The following TRPC6 variants were observed in gnomAD, a reference collection of about 807,000 sequenced individuals.
The protein encoded by TRPC6 is short transient receptor potential channel 6.
Under a neutral mutation model 90.7 loss-of-function variants are expected in TRPC6, and 55 were observed. The ratio of observed to expected loss-of-function variants is 0.61; its 90% CI spans 0.49 to 0.76. TRPC6 has a LOEUF of 0.76. TRPC6 is among the 30% of genes least tolerant of loss of function. The probability of loss-of-function intolerance (pLI) is 0.00; values close to 1 mark genes in which losing one functional copy is unlikely to be tolerated. For missense variants in TRPC6, 989 were observed against 1,122.7 expected, an observed-to-expected ratio of 0.88 and a Z score of 1.70; for synonymous variants, 393 against 393.0, an observed-to-expected ratio of 1.00 and a Z score of 0.00.
Position 101,469,294 on chromosome 11 carries a change from T to A in TRPC6, c.2484+133A>T, listed in dbSNP as rs180705496. 2.5e-4 allele frequency: 163 copies of A among 643,020 alleles called. No individual in the cohort carries two copies. The African/African-American group carries it at 2.8e-3, about 11-fold the overall frequency. The allele number at this position is 643,020 out of a possible 1,614,324, so 39.8% of individuals were successfully genotyped here. A position where few individuals can be genotyped will look rare whatever the true frequency, so the allele number is the denominator to read the frequency against. ...CCTCTCAATAACAGAATTGTTGAGA[T>A]TTGTTAAAATAGTTGAATTATTTAA... On this transcript the variant is annotated intron_variant, in intron 10 of 12. Transcript: ENST00000344327.
intron 1 of TRPC6, among the ~76,000 whole-genome samples, chr11:101,571,685 G>C (rs1366006230): frequency 6.6e-6 from 1 of 152,092 alleles, no homozygotes; most frequent in Non-Finnish European, 1.5e-5. Context: ...CAGACCAACA[G>C]AACAGAACAG....
intron 1 of TRPC6, among the ~76,000 whole-genome samples, chr11:101,557,960 C>T (rs945866662): frequency 2.0e-5 from 3 of 151,956 alleles, no homozygotes; most frequent in Non-Finnish European, 4.4e-5. Flanking sequence ...CTACAGATTA[C>T]GTGATCTACA....
chr11:101,583,078 G>C lies in TRPC6; in HGVS notation c.170+256C>G, dbSNP rs145552655. On this transcript the variant is annotated intron_variant, in intron 1 of 12. Transcript: ENST00000344327. ...ACCTGCAATGGTGGTGTTACTATGC[G>C]GTCTCACTCTCGTGGGCAAACATAT... 6 of 721,158 alleles carry C rather than the reference G, an allele frequency of 8.3e-6. No individual in the cohort carries two copies. The South Asian group carries it at 3.1e-4, about 38-fold the overall frequency. The allele number at this position is 721,158 out of a possible 1,614,324, so 44.7% of individuals were successfully genotyped here. A position where few individuals can be genotyped will look rare whatever the true frequency, so the allele number is the denominator to read the frequency against.
chr11:101,467,665 G>T (rs1177328242), intron 10 of TRPC6, among the ~76,000 whole-genome samples: 2 of 152,184 alleles, frequency 1.3e-5, no homozygotes, highest in African/African-American at 4.8e-5. Flanking sequence ...AACATGGGTG[G>T]TAGGCTTCTT....
chr11:101,501,080 AATACATACATAC>A lies in TRPC6; in HGVS notation c.945+2932_945+2943del, dbSNP rs60962933. Among the ~76,000 whole-genome samples, 496 of 146,030 alleles carry A rather than the reference AATACATACATAC, an allele frequency of 3.4e-3. 2 individuals carry two copies. The highest frequency in any genetic ancestry group is 7.7e-3 in the African/African-American group (303 of 39,402). ...CATCTTTCAGATGGAAAGGGAGCAA[AATACATACATAC>A]ATACATACATACATACATACATACA... On this transcript the variant is annotated intron_variant, in intron 2 of 12. Transcript: ENST00000344327.
intron 6 of TRPC6, among the ~76,000 whole-genome samples, chr11:101,475,084 A>G (rs142767524): frequency 2.0e-3 from 303 of 152,266 alleles, no homozygotes; most frequent in African/African-American, 7.1e-3. Context: ...TGAATCCATT[A>G]GCTAATAGAA....
At chr11:101,571,459 G>T (rs1861962536) in intron 1 of TRPC6, among the ~76,000 whole-genome samples, 1 of 152,138 alleles carries the variant, frequency 6.6e-6, no homozygotes. Context: ...GTAATTCATA[G>T]ATTCAATGCT....
At chr11:101,488,625 T>C (rs1375150390) in intron 4 of TRPC6, among the ~76,000 whole-genome samples, 1 of 152,190 alleles carries the variant, frequency 6.6e-6, no homozygotes, top group Non-Finnish European at 1.5e-5. Flanking sequence ...TAGATGTACA[T>C]AGAGAAAAGA....
intron 1 of TRPC6, among the ~76,000 whole-genome samples, chr11:101,553,928 C>T (rs1861505223): frequency 6.6e-6 from 1 of 152,006 alleles, no homozygotes; most frequent in South Asian, 2.1e-4. Context: ...ATACTAGATG[C>T]CGTTGTAAGT....
chr11:101,462,919 C>T (rs893488965), intron 10 of TRPC6, among the ~76,000 whole-genome samples: 3 of 152,088 alleles, frequency 2.0e-5, no homozygotes, highest in Non-Finnish European at 2.9e-5. Context: ...AGTTTTTGCC[C>T]ATTCAGTATG....
intron 6 of TRPC6, among the ~76,000 whole-genome samples, chr11:101,474,622 T>TA (rs1368775346): frequency 9.2e-5 from 14 of 152,124 alleles, no homozygotes; most frequent in Non-Finnish European, 1.5e-4. Context: ...AAGTGCATTT[T>TA]AAAAAATCTT....
Position 101,470,217 on chromosome 11 carries a change from T to A in TRPC6, c.2410-716A>T, listed in dbSNP as rs544528880. Among the ~76,000 whole-genome samples, 3 of 152,328 alleles carry A rather than the reference T, an allele frequency of 2.0e-5. No individual in the cohort carries two copies. In the South Asian group the frequency reaches 6.2e-4, roughly 32 times the overall value. ...CAGCCCATTCTTCTGTTGGGCAGAT[T>A]TTCTTATTAAAAGTTTGCTCTTATA... On this transcript the variant is annotated intron_variant, in intron 9 of 12. Transcript: ENST00000344327.
intron 1 of TRPC6, among the ~76,000 whole-genome samples, chr11:101,580,074 T>C (rs769721199): frequency 3.3e-5 from 5 of 152,174 alleles, no homozygotes; most frequent in Non-Finnish European, 7.3e-5. Flanking sequence ...CATAAATTTT[T>C]CAGATTGTCT....
At position 101,574,179 on chromosome 11, in the gene TRPC6, T is replaced by A. The variant is rs564197947; in HGVS notation, c.170+9155A>T. Reference sequence around the variant, plus strand: ...AATGTCCTTTTGGCACAGAGCACAATCCTGTGGAAAAATATGGGCACTGAA... The same window carrying A: ...AATGTCCTTTTGGCACAGAGCACAAACCTGTGGAAAAATATGGGCACTGAA... On this transcript the variant is annotated intron_variant, in intron 1 of 12. Transcript: ENST00000344327. 3.2e-4 allele frequency among the ~76,000 whole-genome samples: 49 copies of A among 151,074 alleles called. 1 individual carries two copies. Among genetic ancestry groups the A allele is most frequent in the Non-Finnish European group, 6.3e-4 (43 of 67,876 alleles).
chr11:101,520,969 T>A (rs149897146), intron 1 of TRPC6, among the ~76,000 whole-genome samples: 1 of 152,142 alleles, frequency 6.6e-6, no homozygotes, highest in African/African-American at 2.4e-5. Flanking sequence ...CTGGAACTTA[T>A]ATTTAAAAGG....
intron 10 of TRPC6, among the ~76,000 whole-genome samples, chr11:101,466,344 T>G (rs1195338154): frequency 6.6e-6 from 1 of 152,186 alleles, no homozygotes; most frequent in Non-Finnish European, 1.5e-5. Context: ...CCCAGGGAGA[T>G]GAGGGTTTTA....
rs180933080 is a variant in TRPC6, at chr11:101,466,369, A to G, written c.2484+3058T>C. Among the ~76,000 whole-genome samples the G allele has an allele frequency of 9.9e-4, 151 of 152,340 alleles. 1 individual carries two copies. Among genetic ancestry groups the G allele is most frequent in the African/African-American group, 3.4e-3 (143 of 41,594 alleles). On this transcript the variant is annotated intron_variant, in intron 10 of 12. Transcript: ENST00000344327. ...TGAGGGTTTTATCTGTAAGTCCCTG[A>G]CTGGGGCTACTGCCTTTCTTTCAGA...
chr11:101,545,285 G>A (rs1027877970), intron 1 of TRPC6, among the ~76,000 whole-genome samples: 4 of 152,066 alleles, frequency 2.6e-5, no homozygotes, highest in Non-Finnish European at 1.5e-5. Context: ...TATTTACATC[G>A]TATTAGGTTT....
At chr11:101,476,240 G>C in intron 6 of TRPC6, 61 bp downstream of exon 6, 1 of 1,393,458 alleles carries the variant, frequency 7.2e-7, no homozygotes, top group Non-Finnish European at 1.0e-6. Flanking sequence ...AACTACTACT[G>C]ACATCTGTTT....
Sources: allele counts gnomAD v4.1 joint callset (sites outside exome capture counted in the v4.1 genomes callset), GRCh38; gene constraint gnomAD v4.1.1; transcripts MANE v1.5; gene names NCBI Gene and HGNC (gene_info 2026-07-23, HGNC 2026-07-21).